KMT2E: variants seen among roughly 807,000 people sequenced by gnomAD.
KMT2E encodes the protein histone reader KMT2E.
A neutral mutation model predicts 184.6 loss-of-function variants in KMT2E; 30 were observed. That is an observed-to-expected ratio of 0.16 (90% CI 0.12 to 0.22). The LOEUF is 0.22. Among genes scored for constraint, KMT2E ranks in the 10% least tolerant of loss-of-function variants. The probability of loss-of-function intolerance (pLI) is 1.00; values close to 1 mark genes in which losing one functional copy is unlikely to be tolerated. For missense variants in KMT2E, 2,023 were observed against 2,237.4 expected, an observed-to-expected ratio of 0.90 and a Z score of 1.93; for synonymous variants, 815 against 776.5, an observed-to-expected ratio of 1.05 and a Z score of -0.82.
intron 3 of KMT2E, among the ~76,000 whole-genome samples, chr7:105,041,814 A>G (rs1795894010): frequency 6.6e-6 from 1 of 152,068 alleles, no homozygotes; most frequent in Non-Finnish European, 1.5e-5. Flanking sequence ...AGTGCTTAAC[A>G]TTTTTGCTTG....
At chr7:105,029,701 A>G (rs1203890701) in intron 1 of KMT2E, among the ~76,000 whole-genome samples, 1 of 152,172 alleles carries the variant, frequency 6.6e-6, no homozygotes, top group Non-Finnish European at 1.5e-5. Context: ...ATAGAATGAA[A>G]GAAGATGTGT....
chr7:105,027,953 A>G (rs1198552614), intron 1 of KMT2E, among the ~76,000 whole-genome samples: 1 of 152,162 alleles, frequency 6.6e-6, no homozygotes, highest in Non-Finnish European at 1.5e-5. Context: ...CAAATATACT[A>G]ATAGAGTTGC....
intron 5 of KMT2E, among the ~76,000 whole-genome samples, chr7:105,066,294 G>A (rs978835406): frequency 6.6e-5 from 10 of 151,952 alleles, no homozygotes; most frequent in Admixed American, 3.3e-4. Context: ...TATGTTGAGC[G>A]CCTTGTGGCC....
intron 13 of KMT2E, among the ~76,000 whole-genome samples, chr7:105,088,553 GTAT>G (rs1157897016): frequency 1.3e-5 from 2 of 152,184 alleles, no homozygotes; most frequent in Non-Finnish European, 2.9e-5. Flanking sequence ...TGGGAGATTT[GTAT>G]TATTGTTTTA....
chr7:105,035,682 C>G (rs1385892925), intron 1 of KMT2E, among the ~76,000 whole-genome samples: 2 of 152,066 alleles, frequency 1.3e-5, no homozygotes, highest in East Asian at 1.9e-4. Context: ...GCCTCAGCCT[C>G]CTGAGTAGCC....
chr7:105,093,070 C>T (rs1394894700), intron 15 of KMT2E, among the ~76,000 whole-genome samples: 1 of 152,070 alleles, frequency 6.6e-6, no homozygotes, highest in Non-Finnish European at 1.5e-5. Flanking sequence ...CAGTGCATGC[C>T]TGTAGTCCCA....
chr7:105,027,373 G>T (rs1795216295), intron 1 of KMT2E, among the ~76,000 whole-genome samples: 2 of 152,256 alleles, frequency 1.3e-5, no homozygotes, highest in South Asian at 4.1e-4. Context: ...GTGAAAGTGA[G>T]TGTAGTCTGT....
intron 13 of KMT2E, among the ~76,000 whole-genome samples, chr7:105,085,211 C>G (rs1240689130): frequency 6.6e-6 from 1 of 152,050 alleles, no homozygotes; most frequent in Non-Finnish European, 1.5e-5. Flanking sequence ...AGTATGGAAA[C>G]TTGTTTCAGT....
chr7:105,098,957 A>C (rs1019489098), intron 15 of KMT2E, among the ~76,000 whole-genome samples: 4 of 152,192 alleles, frequency 2.6e-5, no homozygotes, highest in Non-Finnish European at 4.4e-5. Flanking sequence ...GTCAGCTCTA[A>C]CTACCTCAAA....
intron 9 of KMT2E, 81 bp from the exon 10 acceptor site, chr7:105,076,873 TGTGTGTGTG>T (rs906988192): frequency 8.9e-4 from 2 of 2,244 alleles, no homozygotes; most frequent in African/African-American, 7.6e-3. Context: ...CCGTTAATTT[TGTGTGTGTG>T]TGTGTGTGTG....
rs773596064 is a variant in KMT2E at position 105,077,172 on chromosome 7, G to A, written c.978G>A (p.Leu326=). 3.1e-6 allele frequency: 5 copies of A among 1,613,794 alleles called. No individual in the cohort carries two copies. In the South Asian group the frequency reaches 3.3e-5, roughly 11 times the overall value. Reference sequence around the variant, plus strand: ...AATCCGATTTGAATACCAACAATTTGCTCTTCAAACCTCCTGTAGAGGTAA... The same window carrying A: ...AATCCGATTTGAATACCAACAATTTACTCTTCAAACCTCCTGTAGAGGTAA... ...MNKSDLNTNN[L]LFKPPVESHI... The change falls in exon 10 of 27, where the codon TTG becomes TTA. Residue 326 remains leucine, a synonymous_variant. Transcript: ENST00000311117.
chr7:105,045,682 T>C (rs890716395), intron 3 of KMT2E, among the ~76,000 whole-genome samples: 5 of 152,224 alleles, frequency 3.3e-5, no homozygotes, highest in African/African-American at 1.2e-4. Context: ...ATTTTGCTTA[T>C]CCATTCATCT....
At chr7:105,094,693 G>A (rs77653402) in intron 15 of KMT2E, among the ~76,000 whole-genome samples, 2,370 of 152,244 alleles carry the variant, frequency 0.016, 32 homozygotes, top group Middle Eastern at 0.024. Context: ...ATGTACAGTA[G>A]TCCCTCCTTA....
intron 1 of KMT2E, among the ~76,000 whole-genome samples, chr7:105,030,561 G>T (rs1479701009): frequency 6.6e-6 from 1 of 152,210 alleles, no homozygotes; most frequent in South Asian, 2.1e-4. Context: ...ATAGGTCAAA[G>T]TTATGAGGAA....
chr7:105,076,465 G>C (rs1196911902), intron 9 of KMT2E, among the ~76,000 whole-genome samples: 1 of 152,216 alleles, frequency 6.6e-6, no homozygotes, highest in East Asian at 1.9e-4. Context: ...AGTTAGTCAA[G>C]TCAGTTGTCA....
intron 3 of KMT2E, among the ~76,000 whole-genome samples, chr7:105,059,647 A>G (rs866870631): frequency 1.2e-4 from 19 of 152,340 alleles, no homozygotes; most frequent in Middle Eastern, 3.4e-3. Context: ...GAAATAAGCA[A>G]TTATTACCAA....
chr7:105,039,330 G>A (rs1795790415), intron 2 of KMT2E: 1 of 152,180 alleles, frequency 6.6e-6, no homozygotes. Context: ...AAATACCTAA[G>A]TAGATTATTT....
chr7:105,069,766 C>G (rs1406682280), intron 6 of KMT2E, among the ~76,000 whole-genome samples: 1 of 152,146 alleles, frequency 6.6e-6, no homozygotes, highest in Non-Finnish European at 1.5e-5. Context: ...CACAGTCACT[C>G]TATAGAACAT....
chr7:105,057,968 A>G (rs1796641017), intron 3 of KMT2E, among the ~76,000 whole-genome samples: 1 of 152,184 alleles, frequency 6.6e-6, no homozygotes, highest in Non-Finnish European at 1.5e-5. Context: ...ATCGAAATTC[A>G]CACATTGCGT....
Sources: allele counts gnomAD v4.1 joint callset (sites outside exome capture counted in the v4.1 genomes callset), GRCh38; gene constraint gnomAD v4.1.1; transcripts MANE v1.5; gene names NCBI Gene and HGNC (gene_info 2026-07-23, HGNC 2026-07-21).